TNN: variants seen among roughly 807,000 people sequenced by gnomAD.
TNN encodes the protein tenascin-N.
Under a neutral mutation model 134.4 loss-of-function variants are expected in TNN, and 122 were observed. That is an observed-to-expected ratio of 0.91 (90% CI 0.78 to 1.06). TNN has a LOEUF of 1.06. TNN is among the 50% of genes least tolerant of loss of function. The pLI is 0.00. For synonymous variants in TNN, 710 were observed against 670.3 expected (o/e 1.06, Z -0.91); for missense variants, 1,739 against 1,699.4 (o/e 1.02, Z -0.41).
At chr1:175,086,605 C>T (rs1249252794) in intron 6 of TNN, among the ~76,000 whole-genome samples, 4 of 152,114 alleles carry the variant, frequency 2.6e-5, no homozygotes, top group African/African-American at 9.7e-5. Flanking sequence ...CCAATTCAGT[C>T]CTGGAAATAG....
chr1:175,098,732 C>T, intron 9 of TNN, 137 bp downstream of exon 9: 1 of 1,282,210 alleles, frequency 7.8e-7, no homozygotes, highest in Non-Finnish European at 1.1e-6. Flanking sequence ...ATTGTGTCCC[C>T]CTCACTTCCT....
intron 9 of TNN, among the ~76,000 whole-genome samples, chr1:175,107,571 A>G (rs1438470050): frequency 6.8e-6 from 1 of 146,698 alleles, no homozygotes; most frequent in Non-Finnish European, 1.5e-5. Flanking sequence ...GTGGACCCAA[A>G]GAGTGAGCAG....
rs757564360 is a variant in TNN at position 175,119,629 on chromosome 1, C to CTTTTTTT, written c.2650+807_2650+813dup. ...CCAGTGGGAGCAGTCCCATGAATGCCTTTTTTTTCTTTTTTTTTTTTTTTT... is the reference window on the plus strand; with the variant it reads ...CCAGTGGGAGCAGTCCCATGAATGCCTTTTTTTTTTTTTTTCTTTTTTTTTTTTTTTT... On this transcript the variant is annotated intron_variant, in intron 11 of 18. Coordinates refer to ENST00000239462, the MANE Select transcript of TNN (RefSeq NM_022093.2). 1.4e-4 allele frequency among the ~76,000 whole-genome samples: 19 copies of CTTTTTTT among 133,540 alleles called. 1 individual carries two copies. The highest frequency in any genetic ancestry group is 1.1e-3 in the East Asian group (5 of 4,352). The allele number at this position is 133,540 out of a possible 152,430, so 87.6% of individuals were successfully genotyped here. A position where few individuals can be genotyped will look rare whatever the true frequency, so the allele number is the denominator to read the frequency against.
chr1:175,117,125 C>T lies in TNN; in HGVS notation c.2306C>T (p.Pro769Leu), dbSNP rs763201732. 1.2e-5 allele frequency: 19 copies of T among 1,614,222 alleles called. No homozygotes were observed. The highest frequency in any genetic ancestry group is 1.2e-4 in the Admixed American group (7 of 60,028). Residue 769 changes from proline to leucine, a missense_variant, in exon 10 of 19, where the codon CCG (proline) becomes CTG (leucine). By Grantham distance (98) the Pro-to-Leu change is moderately conservative. Transcript: ENST00000239462. Reference sequence around the variant, plus strand: ...AGCACTGTCCTGACGGGCCTGAGGCCGGGTGTGGAGTACACGGTGCACGTG... The same window carrying T: ...AGCACTGTCCTGACGGGCCTGAGGCTGGGTGTGGAGTACACGGTGCACGTG... Reference protein sequence around the residue: ...QSSTVLTGLRPGVEYTVHVWA... With the variant: ...QSSTVLTGLRLGVEYTVHVWA...
chr1:175,146,836 A>T, intron 18 of TNN, 95 bp from the exon 19 acceptor site: 1 of 1,106,472 alleles, frequency 9.0e-7, no homozygotes, highest in Non-Finnish European at 1.2e-6. Context: ...TTTCACTGGT[A>T]ATTAATTAAT....
At chr1:175,106,605 C>G (rs538855064) in intron 9 of TNN, among the ~76,000 whole-genome samples, 1 of 145,978 alleles carries the variant, frequency 6.9e-6, no homozygotes, top group African/African-American at 2.5e-5. Context: ...AGAAGAGAGG[C>G]GAGAGGAAGT....
Position 175,104,703 on chromosome 1 carries a change from G to C in TNN, c.2119+6108G>C, listed in dbSNP as rs369664969. Among the ~76,000 whole-genome samples the C allele has an allele frequency of 1.4e-5, 2 of 145,508 alleles. 1 individual carries two copies. Among genetic ancestry groups the C allele is most frequent in the African/African-American group, 5.0e-5 (2 of 40,402 alleles). ...AATAATGTCTCTAGATTTTGTTCAGGGCTCAGGGCTTGCTTTTGGAGCTTT... is the reference window on the plus strand; with the variant it reads ...AATAATGTCTCTAGATTTTGTTCAGCGCTCAGGGCTTGCTTTTGGAGCTTT... On this transcript the variant is annotated intron_variant, in intron 9 of 18. Coordinates refer to ENST00000239462, the MANE Select transcript of TNN (RefSeq NM_022093.2).
Position 175,144,561 on chromosome 1 carries a change from G to A in TNN, c.3759+11G>A. On this transcript the variant is annotated intron_variant, in intron 18 of 18. Coordinates refer to ENST00000239462, the MANE Select transcript of TNN (RefSeq NM_022093.2). ...ACCAAGCACAGTGAGGTAGGTGACA[G>A]GTGAATGTCTTTTCTGTCCCAGGGT... 1 of 1,613,450 alleles carries A rather than the reference G, an allele frequency of 6.2e-7. No individual in the cohort carries two copies. Among genetic ancestry groups the A allele is most frequent in the South Asian group, 1.1e-5 (1 of 90,958 alleles).
chr1:175,098,272 G>A (rs1674622444), intron 8 of TNN, 60 bp from the exon 9 acceptor site: 3 of 1,608,566 alleles, frequency 1.9e-6, no homozygotes, highest in East Asian at 2.2e-5. Context: ...TGAAGATGGG[G>A]GTAAGGATAT....
intron 1 of TNN, 117 bp downstream of exon 1, chr1:175,068,052 T>C: frequency 2.4e-6 from 1 of 420,000 alleles, no homozygotes; most frequent in South Asian, 1.7e-5. Flanking sequence ...ATCCGGGCAG[T>C]GTAATTAGTC....
intron 6 of TNN, among the ~76,000 whole-genome samples, chr1:175,087,401 A>G (rs774748762): frequency 1.3e-5 from 2 of 152,198 alleles, no homozygotes; most frequent in Non-Finnish European, 2.9e-5. Flanking sequence ...ACCTGTGGAG[A>G]TATTTAACCT....
chr1:175,144,018 T>C (rs1196367892), intron 17 of TNN, among the ~76,000 whole-genome samples: 2 of 151,776 alleles, frequency 1.3e-5, no homozygotes, highest in Non-Finnish European at 2.9e-5. Context: ...CTGGGTGGTG[T>C]GGAGAAGGGT....
chr1:175,127,026 C>G lies in TNN; in HGVS notation c.2986C>G (p.Pro996Ala), dbSNP rs149726222. The change falls in exon 13 of 19, where the codon CCC (proline) becomes GCC (alanine). Residue 996 changes from proline (P) to alanine (A), a missense_variant. Coordinates refer to ENST00000239462, the MANE Select transcript of TNN (RefSeq NM_022093.2). Reference sequence around the variant, plus strand: ...TGGTGGCATATTGACCTGGACGCCCCCCTCTGCTCAGATCCACGGCTACAT... The same window carrying G: ...TGGTGGCATATTGACCTGGACGCCCGCCTCTGCTCAGATCCACGGCTACAT... ...QSGGILTWTP[P>A]SAQIHGYILT... 64 of 1,614,034 alleles carry G rather than the reference C, an allele frequency of 4.0e-5. No individual in the cohort carries two copies. The highest frequency in any genetic ancestry group is 5.3e-5 in the Non-Finnish European group (62 of 1,180,010).
Position 175,091,557 on chromosome 1 carries a change from ATTTTTATT to A in TNN, c.1325-2431_1325-2424del, listed in dbSNP as rs1484595679. 2.5e-3 allele frequency among the ~76,000 whole-genome samples: 113 copies of A among 45,444 alleles called. 1 individual carries two copies. Among genetic ancestry groups the A allele is most frequent in the African/African-American group, 0.011 (106 of 9,950 alleles). The allele number at this position is 45,444 out of a possible 152,430, so 29.8% of individuals were successfully genotyped here. On this transcript the variant is annotated intron_variant, in intron 6 of 18. Coordinates refer to ENST00000239462, the MANE Select transcript of TNN (RefSeq NM_022093.2). Reference sequence around the variant, plus strand: ...CTTTATTTATTTACTTTTATTTATTATTTTTATTTATTTATTTATTTATTTATTTATTT... The same window carrying A: ...CTTTATTTATTTACTTTTATTTATTATATTTATTTATTTATTTATTTATTT...
chr1:175,126,161 A>G (rs6670010), intron 12 of TNN, among the ~76,000 whole-genome samples: 66,204 of 145,956 alleles, frequency 0.45, 16,215 homozygotes, highest in African/African-American at 0.63. Context: ...GAGTGCAGTG[A>G]CGTGATCTTG....
At chr1:175,127,991 AACTGAGTC>A in intron 13 of TNN, 33 bp from the exon 14 acceptor site, 1 of 1,613,426 alleles carries the variant, frequency 6.2e-7, no homozygotes, top group Non-Finnish European at 8.5e-7. Flanking sequence ...GTGGGTGATA[AACTGAGTC>A]ACTGGCTGTC....
chr1:175,105,820 A>G (rs4261078), intron 9 of TNN, among the ~76,000 whole-genome samples: 85,376 of 143,812 alleles, frequency 0.59, 31,486 homozygotes, highest in African/African-American at 0.87. Context: ...AACCGCCCAC[A>G]GTTTTGGTTT....
In TNN at chr1:175,077,652, C is replaced by G. The variant is rs766246631; in HGVS notation, c.234C>G (p.Ala78=). Residue 78 remains alanine (A), a synonymous_variant, in exon 2 of 19, where the codon GCC becomes GCG. Coordinates refer to ENST00000239462, the MANE Select transcript of TNN (RefSeq NM_022093.2). Reference sequence around the variant, plus strand: ...CTTCGCTCTTGGCCCTGGGGGAGGCCAGGGAGGAACAGAACATCATCTTCA... The same window carrying G: ...CTTCGCTCTTGGCCCTGGGGGAGGCGAGGGAGGAACAGAACATCATCTTCA... The part of the protein sequence containing the change: ...DGASLLALGE[A]REEQNIIFRH... 5 of 1,614,142 alleles carry G rather than the reference C, an allele frequency of 3.1e-6. No homozygotes were observed. The highest frequency in any genetic ancestry group is 4.2e-6 in the Non-Finnish European group (5 of 1,180,026).
At chr1:175,140,033 A>T (rs1478544393) in intron 17 of TNN, among the ~76,000 whole-genome samples, 1 of 152,260 alleles carries the variant, frequency 6.6e-6, no homozygotes, top group Non-Finnish European at 1.5e-5. Context: ...ACTGAATAAG[A>T]GGGGATTTAA....
Sources: allele counts gnomAD v4.1 joint callset (sites outside exome capture counted in the v4.1 genomes callset), GRCh38; gene constraint gnomAD v4.1.1; transcripts MANE v1.5; gene names NCBI Gene and HGNC (gene_info 2026-07-23, HGNC 2026-07-21).